PIK3R4: variants seen among roughly 807,000 people sequenced by gnomAD.
The protein encoded by PIK3R4 is phosphoinositide-3-kinase regulatory subunit 4.
Under a neutral mutation model 136.5 loss-of-function variants are expected in PIK3R4, and 46 were observed. That is an observed-to-expected ratio of 0.34 (90% CI 0.27 to 0.43). The LOEUF (loss-of-function observed/expected upper bound fraction) is 0.43, where lower values mean the gene tolerates loss of function less well. PIK3R4 is among the 20% of genes least tolerant of loss of function. The pLI is 1.00. For synonymous variants in PIK3R4, 557 were observed against 566.7 expected, an observed-to-expected ratio of 0.98 and a Z score of 0.24; for missense variants, 1,331 against 1,649.5, an observed-to-expected ratio of 0.81 and a Z score of 3.35.
In PIK3R4 at chr3:130,707,028, G is replaced by C. The variant is rs767462922; in HGVS notation, c.2641C>G (p.Gln881Glu). 1 of 1,612,818 alleles carries C rather than the reference G, an allele frequency of 6.2e-7. No individual in the cohort carries two copies. The highest frequency in any genetic ancestry group is 8.5e-7 in the Non-Finnish European group (1 of 1,179,442). The change falls in exon 11 of 20, where the codon CAG becomes GAG. Residue 881 changes from glutamine to glutamate, a missense_variant. Coordinates refer to ENST00000356763, the MANE Select transcript of PIK3R4 (RefSeq NM_014602.3). ...GGTTTCCCAGTCTGAATCACCTCCT[G>C]ATCACTCCCTTTAGGTAGGGCCTGT... The part of the protein sequence containing the change: ...MPQALPKGSD[Q>E]EVIQTGKPPR...
At chr3:130,745,570 AGTTT>A (rs1446022923) in intron 1 of PIK3R4, among the ~76,000 whole-genome samples, 3 of 152,202 alleles carry the variant, frequency 2.0e-5, no homozygotes, top group Non-Finnish European at 2.9e-5. Context: ...CAAAAATGTT[AGTTT>A]GTGTTATTTT....
Position 130,746,589 on chromosome 3 carries a change from C to G in PIK3R4, c.-318G>C, listed in dbSNP as rs11549964. 1.1e-3 allele frequency: 166 copies of G among 152,370 alleles called. No individual in the cohort carries two copies. Among genetic ancestry groups the G allele is most frequent in the Middle Eastern group, 0.01 (3 of 296 alleles). 9.4% of individuals were successfully genotyped at this position (152,370 alleles called of 1,614,324 possible). On this transcript the variant is annotated 5_prime_UTR_variant, in exon 1 of 20. Coordinates refer to ENST00000356763, the MANE Select transcript of PIK3R4 (RefSeq NM_014602.3). ...ACGCTAAAGAGTCTCCACAAGTACCCCGGGATTTGACCCCTCCAGCCCCCT... is the reference window on the plus strand; with the variant it reads ...ACGCTAAAGAGTCTCCACAAGTACCGCGGGATTTGACCCCTCCAGCCCCCT...
chr3:130,729,552 T>G (rs1044971052), intron 5 of PIK3R4, among the ~76,000 whole-genome samples: 1 of 152,172 alleles, frequency 6.6e-6, no homozygotes, highest in Non-Finnish European at 1.5e-5. Flanking sequence ...GACAGTATTA[T>G]TTTCCAAGTA....
At chr3:130,702,840 C>T (rs1376761982) in intron 13 of PIK3R4, among the ~76,000 whole-genome samples, 1 of 152,184 alleles carries the variant, frequency 6.6e-6, no homozygotes, top group Non-Finnish European at 1.5e-5. Flanking sequence ...TCCTTCTTGT[C>T]CGCAGGAGTG....
chr3:130,714,150 T>G (rs1444555261), intron 9 of PIK3R4, among the ~76,000 whole-genome samples: 1 of 152,158 alleles, frequency 6.6e-6, no homozygotes, highest in East Asian at 1.9e-4. Flanking sequence ...AATCCAATTT[T>G]CCACAAATTG....
intron 2 of PIK3R4, among the ~76,000 whole-genome samples, chr3:130,741,833 T>C (rs1247668511): frequency 6.6e-6 from 1 of 152,186 alleles, no homozygotes; most frequent in Non-Finnish European, 1.5e-5. Context: ...CTCAAATGCA[T>C]GTCAAAATGA....
In PIK3R4 at chr3:130,681,537, C is replaced by T; in HGVS notation, c.3662G>A (p.Arg1221Lys). 1.2e-6 allele frequency: 2 copies of T among 1,613,214 alleles called. No individual in the cohort carries two copies. Among genetic ancestry groups the T allele is most frequent in the Non-Finnish European group, 1.7e-6 (2 of 1,179,260 alleles). ...SMWDMETGDR[R>K]FTLWASSAPP... is the part of the protein sequence containing the mutation. ...TGCACTGCTGGCCCAGAGAGTAAAT[C>T]TTCTGTCACCAGTCTCCATGTCCCA... Residue 1221 changes from arginine (R) to lysine (K), a missense_variant, in exon 17 of 20, where the codon AGA becomes AAA. Arg to Lys is a conservative substitution (Grantham distance 26, BLOSUM62 2). Coordinates refer to ENST00000356763, the MANE Select transcript of PIK3R4 (RefSeq NM_014602.3).
rs762424519 is a variant in PIK3R4 at position 130,681,595 on chromosome 3, A to C, written c.3608-4T>G. On this transcript the variant is annotated splice_region_variant and splice_polypyrimidine_tract_variant and intron_variant, in intron 16 of 19. Coordinates refer to ENST00000356763, the MANE Select transcript of PIK3R4 (RefSeq NM_014602.3). ...ACTTCGTTGTTGCCCTGAACAGCTA[A>C]AGGAAACAAAGGCCAGAATCTTGAC... 1.4e-5 allele frequency: 22 copies of C among 1,544,370 alleles called. No homozygotes were observed. The highest frequency in any genetic ancestry group is 1.9e-5 in the Non-Finnish European group (21 of 1,118,698).
At chr3:130,694,044 GTCAAAAAAAAAAT>G (rs1342941551) in intron 13 of PIK3R4, among the ~76,000 whole-genome samples, 2 of 151,322 alleles carry the variant, frequency 1.3e-5, no homozygotes, top group African/African-American at 4.9e-5. Flanking sequence ...TGACACCTCT[GTCAAAAAAAAAAT>G]GACCATAAAT....
At chr3:130,700,444 G>C (rs911307835) in intron 13 of PIK3R4, among the ~76,000 whole-genome samples, 10 of 152,268 alleles carry the variant, frequency 6.6e-5, no homozygotes, top group African/African-American at 2.2e-4. Context: ...AGAAAACATA[G>C]AAAATATAAT....
At position 130,701,444 on chromosome 3, in the gene PIK3R4, G is replaced by A. The variant is rs1172409245; in HGVS notation, c.3098+2279C>T. The stretch of plus-strand genomic sequence containing the variant: ...GGAGAATCACTTGAACCCAGGAGGC[G>A]GTGGTTGCAGTGAGCCAGGATCGTG... On this transcript the variant is annotated intron_variant, in intron 13 of 19. Coordinates refer to ENST00000356763, the MANE Select transcript of PIK3R4 (RefSeq NM_014602.3). 2.6e-5 allele frequency among the ~76,000 whole-genome samples: 4 copies of A among 151,872 alleles called. No homozygotes were observed. In the East Asian group the frequency reaches 5.8e-4, roughly 22 times the overall value.
At chr3:130,715,121 C>CA (rs1248535658) in intron 9 of PIK3R4, among the ~76,000 whole-genome samples, 1 of 119,914 alleles carries the variant, frequency 8.3e-6, no homozygotes, top group East Asian at 2.4e-4. Context: ...TTTTTCCCGA[C>CA]TTTTTTTTTT....
chr3:130,699,282 T>C (rs1449992938), intron 13 of PIK3R4, among the ~76,000 whole-genome samples: 1 of 152,168 alleles, frequency 6.6e-6, no homozygotes, highest in Non-Finnish European at 1.5e-5. Context: ...GAGTAAGAGT[T>C]TTCTCAAAGA....
chr3:130,742,358 C>T (rs1158167164), intron 2 of PIK3R4, among the ~76,000 whole-genome samples: 1 of 152,132 alleles, frequency 6.6e-6, no homozygotes, highest in Non-Finnish European at 1.5e-5. Context: ...AGCTTATCAA[C>T]CACTGAAATT....
At chr3:130,701,012 T>C (rs2066571042) in intron 13 of PIK3R4, among the ~76,000 whole-genome samples, 3 of 152,060 alleles carry the variant, frequency 2.0e-5, no homozygotes, top group Admixed American at 2.0e-4. Context: ...GGGGATATTA[T>C]CTGAAATGTG....
intron 7 of PIK3R4, among the ~76,000 whole-genome samples, chr3:130,719,821 G>A (rs2066688651): frequency 6.6e-6 from 1 of 152,022 alleles, no homozygotes; most frequent in South Asian, 2.1e-4. Flanking sequence ...CACTTGCTTT[G>A]GCCAATGAAT....
At chr3:130,744,386 T>C (rs1190039192) in intron 2 of PIK3R4, 100 bp downstream of exon 2, 1 of 1,317,608 alleles carries the variant, frequency 7.6e-7, no homozygotes, top group Non-Finnish European at 1.0e-6. Flanking sequence ...AACCAAGACA[T>C]TAACTTTTCA....
intron 13 of PIK3R4, among the ~76,000 whole-genome samples, chr3:130,703,418 G>A (rs2066590342): frequency 6.6e-6 from 1 of 152,052 alleles, no homozygotes; most frequent in Admixed American, 6.6e-5. Context: ...TTCCCTGTGA[G>A]GCATTCTCTG....
chr3:130,697,407 C>G (rs917434956), intron 13 of PIK3R4, among the ~76,000 whole-genome samples: 1 of 152,066 alleles, frequency 6.6e-6, no homozygotes, highest in Non-Finnish European at 1.5e-5. Flanking sequence ...CATGGTTTAT[C>G]TTTTCAATTC....
Sources: allele counts gnomAD v4.1 joint callset (sites outside exome capture counted in the v4.1 genomes callset), GRCh38; gene constraint gnomAD v4.1.1; transcripts MANE v1.5; gene names NCBI Gene and HGNC (gene_info 2026-07-23, HGNC 2026-07-21).